The following TLK1 variants were observed in gnomAD, a reference collection of about 807,000 sequenced individuals.
The protein encoded by TLK1 is serine/threonine-protein kinase tousled-like 1.
A neutral mutation model predicts 105.3 loss-of-function variants in TLK1; 24 were observed. The observed-to-expected ratio is 0.23, with a 90% confidence interval of 0.17 to 0.32. TLK1 has a LOEUF of 0.32. Ranked by LOEUF, TLK1 falls within the 10% of genes least tolerant of loss-of-function variation. TLK1 has a pLI of 1.00. For synonymous variants in TLK1, 321 were observed against 310.4 expected, an observed-to-expected ratio of 1.03 and a Z score of -0.36; for missense variants, 558 against 910.5, an observed-to-expected ratio of 0.61 and a Z score of 4.98.
At chr2:171,091,134 AC>A (rs1044325379) in intron 2 of TLK1, among the ~76,000 whole-genome samples, 3 of 152,206 alleles carry the variant, frequency 2.0e-5, no homozygotes, top group African/African-American at 7.2e-5. Flanking sequence ...CTGCTTTAGT[AC>A]TAAAATGGCA....
chr2:171,204,658 A>C (rs920423886), intron 1 of TLK1, among the ~76,000 whole-genome samples: 3 of 152,276 alleles, frequency 2.0e-5, no homozygotes, highest in Admixed American at 1.3e-4. Flanking sequence ...TACGTATTTT[A>C]TATAAAAAGG....
intron 1 of TLK1, among the ~76,000 whole-genome samples, chr2:171,151,028 C>CT (rs796254850): frequency 1.9e-3 from 281 of 144,574 alleles, no homozygotes; most frequent in East Asian, 0.017. Context: ...GGGTACATTC[C>CT]TTTTTTTTTT....
Position 171,061,095 on chromosome 2 carries a change from T to C in TLK1, c.392A>G (p.Asn131Ser). 1 of 1,613,604 alleles carries C rather than the reference T, an allele frequency of 6.2e-7. No homozygotes were observed. The highest frequency in any genetic ancestry group is 1.1e-5 in the South Asian group (1 of 91,060). ...TATGTGCTTACCCTGACTACTTTCA[T>C]TCTGGTTTTCTGCTTTTCTCTTTCT... is the stretch of plus-strand genomic sequence containing the variant. ...RGRKRKAENQ[N>S]ESSQGKSIGG... Residue 131 changes from asparagine to serine, a missense_variant, in exon 4 of 21, where the codon AAT (asparagine) becomes AGT (serine). By Grantham distance (46) the Asn-to-Ser change is conservative. Around this residue, in one of 5 missense-constraint regions of TLK1, gnomAD observed 196 missense variants for 239.3 expected, o/e 0.82. Coordinates refer to ENST00000431350, the MANE Select transcript of TLK1 (RefSeq NM_012290.5).
intron 2 of TLK1, among the ~76,000 whole-genome samples, chr2:171,093,936 A>C (rs1226517392): frequency 6.6e-6 from 1 of 152,146 alleles, no homozygotes; most frequent in Non-Finnish European, 1.5e-5. Flanking sequence ...AACACCTGTA[A>C]ACCTCACCAC....
intron 1 of TLK1, among the ~76,000 whole-genome samples, chr2:171,210,340 G>A: frequency 6.6e-6 from 1 of 151,490 alleles, no homozygotes; most frequent in East Asian, 1.9e-4. Context: ...TGCGGCTATA[G>A]GAGAGAATGA....
intron 2 of TLK1, among the ~76,000 whole-genome samples, chr2:171,085,248 G>C (rs1473831961): frequency 6.6e-6 from 1 of 152,034 alleles, no homozygotes; most frequent in Non-Finnish European, 1.5e-5. Flanking sequence ...AATTAGCCAG[G>C]CGTGATGGTG....
At chr2:171,203,820 C>A (rs956919267) in intron 1 of TLK1, among the ~76,000 whole-genome samples, 3 of 152,064 alleles carry the variant, frequency 2.0e-5, no homozygotes, top group African/African-American at 7.2e-5. Context: ...GAGGCTGTAG[C>A]TGGTGGATCA....
Position 171,086,638 on chromosome 2 carries a change from C to CA in TLK1, c.259-3787dup, listed in dbSNP as rs35913328. Among the ~76,000 whole-genome samples, 669 of 108,856 alleles carry CA rather than the reference C, an allele frequency of 6.1e-3. 3 individuals carry two copies. Among genetic ancestry groups the CA allele is most frequent in the East Asian group, 0.044 (170 of 3,904 alleles). 71.4% of individuals were successfully genotyped at this position (108,856 alleles called of 152,430 possible). A position where few individuals can be genotyped will look rare whatever the true frequency, so the allele number is the denominator to read the frequency against. On this transcript the variant is annotated intron_variant, in intron 2 of 20. Coordinates refer to ENST00000431350, the MANE Select transcript of TLK1 (RefSeq NM_012290.5). ...AAGACTCCGTCTCAAAAAAAACAAA[C>CA]AAAAAAAAAAAACAGAAAAAAAAAG... is the stretch of plus-strand genomic sequence containing the variant.
At chr2:171,114,214 G>A (rs1037286318) in intron 2 of TLK1, among the ~76,000 whole-genome samples, 4 of 152,116 alleles carry the variant, frequency 2.6e-5, no homozygotes, top group East Asian at 1.9e-4. Flanking sequence ...AGAAAAAAAT[G>A]AAGAATGATG....
chr2:171,188,978 G>A (rs2105312477), intron 1 of TLK1, among the ~76,000 whole-genome samples: 1 of 151,370 alleles, frequency 6.6e-6, no homozygotes, highest in Middle Eastern at 3.5e-3. Flanking sequence ...TACATCCTTT[G>A]TGCTTAATAA....
At chr2:171,081,209 A>G (rs2105475524) in intron 3 of TLK1, among the ~76,000 whole-genome samples, 1 of 152,338 alleles carries the variant, frequency 6.6e-6, no homozygotes, top group African/African-American at 2.4e-5. Flanking sequence ...ATTCTCTTAT[A>G]GACTAATTCC....
At chr2:171,124,717 C>A (rs2356607) in intron 1 of TLK1, among the ~76,000 whole-genome samples, 1 of 151,964 alleles carries the variant, frequency 6.6e-6, no homozygotes, top group Middle Eastern at 3.2e-3. Context: ...TTTGCTGCTC[C>A]GTATGTATTC....
At chr2:171,096,306 C>T (rs1464008382) in intron 2 of TLK1, among the ~76,000 whole-genome samples, 2 of 152,002 alleles carry the variant, frequency 1.3e-5, no homozygotes, top group African/African-American at 4.8e-5. Context: ...TCAAGACCAG[C>T]CTGATCAACA....
At chr2:171,132,056 C>A (rs10208271) in intron 1 of TLK1, among the ~76,000 whole-genome samples, 59,945 of 151,974 alleles carry the variant, frequency 0.39, 13,335 homozygotes, top group African/African-American at 0.58. Context: ...CCATTGTATT[C>A]GTCCGTTCTC....
intron 1 of TLK1, among the ~76,000 whole-genome samples, chr2:171,180,326 A>C (rs1692907211): frequency 6.6e-6 from 1 of 152,152 alleles, no homozygotes; most frequent in African/African-American, 2.4e-5. Context: ...GCATATTATC[A>C]GTTGTTTTAC....
At chr2:171,098,294 A>C (rs1689538127) in intron 2 of TLK1, among the ~76,000 whole-genome samples, 1 of 152,166 alleles carries the variant, frequency 6.6e-6, no homozygotes, top group Admixed American at 6.5e-5. Context: ...TGAACATGTT[A>C]ATTATCTTAA....
chr2:171,193,169 A>G (rs1303791810), intron 1 of TLK1, among the ~76,000 whole-genome samples: 2 of 152,150 alleles, frequency 1.3e-5, no homozygotes, highest in African/African-American at 4.8e-5. Flanking sequence ...AAAGAAAGCA[A>G]TCTGTGAGCT....
At chr2:171,205,513 G>A (rs1200863560) in intron 1 of TLK1, among the ~76,000 whole-genome samples, 1 of 152,046 alleles carries the variant, frequency 6.6e-6, no homozygotes, top group Admixed American at 6.6e-5. Context: ...TTGTACAAAT[G>A]AGGTTTTGCC....
In TLK1 at chr2:171,028,157, A is replaced by C. The variant is rs554696507; in HGVS notation, c.1236+182T>G. 3.0e-4 allele frequency among the ~76,000 whole-genome samples: 46 copies of C among 152,290 alleles called. 2 individuals carry two copies. Among genetic ancestry groups the C allele is most frequent in the African/African-American group, 9.6e-4 (40 of 41,558 alleles). ...CAGCCTGAGTGATGAGACTGTTTCAAAAAATAAAAATACTAATAAATAAAA... is the reference window on the plus strand; with the variant it reads ...CAGCCTGAGTGATGAGACTGTTTCACAAAATAAAAATACTAATAAATAAAA... On this transcript the variant is annotated intron_variant, in intron 12 of 20. Transcript: ENST00000431350.
Sources: gnomAD v4.1 joint callset for allele counts (sites outside exome capture counted in the v4.1 genomes callset) on GRCh38, gnomAD v4.1.1 for gene constraint, gnomAD v4.1.1 regional missense constraint, MANE v1.5 for transcripts, NCBI Gene and HGNC (gene_info 2026-07-23, HGNC 2026-07-21) for gene names.